MINPP1: variants seen among roughly 807,000 people sequenced by gnomAD.
The protein encoded by MINPP1 is multiple inositol-polyphosphate phosphatase 1.
Under a neutral mutation model 46.1 loss-of-function variants are expected in MINPP1, and 28 were observed. The ratio of observed to expected loss-of-function variants is 0.61; its 90% CI spans 0.45 to 0.83. The LOEUF (loss-of-function observed/expected upper bound fraction) is 0.83. MINPP1 is among the 40% of genes least tolerant of loss of function. MINPP1 has a pLI of 0.00. For synonymous variants in MINPP1, 268 were observed against 249.1 expected, an observed-to-expected ratio of 1.08 and a Z score of -0.72; for missense variants, 603 against 610.0, an observed-to-expected ratio of 0.99 and a Z score of 0.12.
At chr10:87,538,988 A>G (rs1426339803) in intron 4 of MINPP1, among the ~76,000 whole-genome samples, 1 of 152,034 alleles carries the variant, frequency 6.6e-6, no homozygotes, top group Non-Finnish European at 1.5e-5. Flanking sequence ...ATAGTTATCA[A>G]CCCTCATTAA....
intron 4 of MINPP1, among the ~76,000 whole-genome samples, chr10:87,524,721 CAG>C (rs975532859): frequency 1.3e-5 from 2 of 152,030 alleles, no homozygotes; most frequent in Admixed American, 6.6e-5. Context: ...TATTATATCT[CAG>C]GGAATAGGGA....
In MINPP1 at chr10:87,535,928, CTAAATAAATAAA is replaced by C. The variant is rs34576339; in HGVS notation, c.1067+14769_1067+14780del. 7.9e-5 allele frequency among the ~76,000 whole-genome samples: 12 copies of C among 151,298 alleles called. No individual in the cohort carries two copies. The South Asian group carries it at 2.5e-3, about 32-fold the overall frequency. On this transcript the variant is annotated intron_variant, in intron 4 of 4. Transcript: ENST00000371996. ...TGGGCAACAGAGCAAGACCCTGTCT[CTAAATAAATAAA>C]TAAATAAATTAAGATTGTTCCTATT...
At chr10:87,523,306 T>C (rs925335553) in intron 4 of MINPP1, among the ~76,000 whole-genome samples, 21 of 152,316 alleles carry the variant, frequency 1.4e-4, no homozygotes, top group Admixed American at 1.4e-3. Flanking sequence ...TATAGCCTTA[T>C]GACATTTATT....
rs1345523031 is a variant in MINPP1 at position 87,508,514 on chromosome 10, A to G, written c.816A>G (p.Pro272=). Residue 272 remains proline, a synonymous_variant, in exon 2 of 5, where the codon CCA becomes CCG. Coordinates refer to ENST00000371996, the MANE Select transcript of MINPP1 (RefSeq NM_004897.5). ...AAGTTGCAGCTACTTTGCAAGTGCCAGTAAATGATTTAAATGCAGGTAATA... is the reference window on the plus strand; with the variant it reads ...AAGTTGCAGCTACTTTGCAAGTGCCGGTAAATGATTTAAATGCAGGTAATA... ...LKKVAATLQV[P]VNDLNADLIQ... The G allele has an allele frequency of 3.7e-6, 6 of 1,613,460 alleles. No homozygotes were observed. Among genetic ancestry groups the G allele is most frequent in the Non-Finnish European group, 5.1e-6 (6 of 1,179,504 alleles).
At chr10:87,539,994 G>A (rs1230972414) in intron 4 of MINPP1, among the ~76,000 whole-genome samples, 1 of 152,172 alleles carries the variant, frequency 6.6e-6, no homozygotes, top group Non-Finnish European at 1.5e-5. Flanking sequence ...AGCCTCCCAA[G>A]TAGCTGGGAC....
chr10:87,541,465 A>T (rs995687226), intron 4 of MINPP1, among the ~76,000 whole-genome samples: 1 of 152,224 alleles, frequency 6.6e-6, no homozygotes, highest in African/African-American at 2.4e-5. Flanking sequence ...TATGAGTTAG[A>T]TGTTTTACTT....
At chr10:87,544,233 A>T (rs968475488) in intron 4 of MINPP1, among the ~76,000 whole-genome samples, 4 of 152,196 alleles carry the variant, frequency 2.6e-5, no homozygotes, top group African/African-American at 9.6e-5. Context: ...CATGTTTACC[A>T]GTTTAGTATA....
At chr10:87,523,424 C>T (rs944253435) in intron 4 of MINPP1, among the ~76,000 whole-genome samples, 1 of 151,316 alleles carries the variant, frequency 6.6e-6, no homozygotes. Context: ...GATCTCGGCT[C>T]ATTGCAAGCT....
intron 2 of MINPP1, chr10:87,509,759 A>C (rs1040009011): frequency 3.3e-6 from 1 of 304,130 alleles, no homozygotes; most frequent in Non-Finnish European, 6.8e-6. Flanking sequence ...TACCAGTCCA[A>C]AATTCTATTT....
At chr10:87,518,161 C>G (rs190936579) in intron 3 of MINPP1, among the ~76,000 whole-genome samples, 2,428 of 151,482 alleles carry the variant, frequency 0.016, 69 homozygotes, top group African/African-American at 0.056. Flanking sequence ...GGGTTTCACC[C>G]TGTTAGCCAG....
chr10:87,521,274 T>A (rs1168630840), intron 4 of MINPP1, 105 bp downstream of exon 4: 1 of 888,942 alleles, frequency 1.1e-6, no homozygotes, highest in Non-Finnish European at 1.8e-6. Flanking sequence ...GCTTGTGTTT[T>A]AAAAAAATTT....
At chr10:87,527,299 G>T (rs1023579214) in intron 4 of MINPP1, among the ~76,000 whole-genome samples, 5 of 151,856 alleles carry the variant, frequency 3.3e-5, no homozygotes, top group Non-Finnish European at 7.4e-5. Context: ...CTCATGATTT[G>T]GCTCTATGTT....
intron 4 of MINPP1, among the ~76,000 whole-genome samples, chr10:87,534,046 T>G (rs1465829562): frequency 1.7e-3 from 223 of 129,020 alleles, no homozygotes; most frequent in African/African-American, 6.8e-3. Context: ...CTAAATATTT[T>G]TTTTTTTTTT....
rs1851981732 is a variant in MINPP1, at chr10:87,552,637, G to A, written c.*159G>A. On this transcript the variant is annotated 3_prime_UTR_variant, in exon 5 of 5. Coordinates refer to ENST00000371996, the MANE Select transcript of MINPP1 (RefSeq NM_004897.5). The stretch of plus-strand genomic sequence containing the variant: ...TGGGTTTCTCTCTGGGTTTGGACAT[G>A]AAATGTAAGAAAAGATTTTTCACTG... The A allele has an allele frequency of 2.8e-6, 2 of 708,674 alleles. No homozygotes were observed. The highest frequency in any genetic ancestry group is 2.9e-5 in the Admixed American group (1 of 34,852). 43.9% of individuals were successfully genotyped at this position (708,674 alleles called of 1,614,324 possible). A position where few individuals can be genotyped will look rare whatever the true frequency, so the allele number is the denominator to read the frequency against.
At chr10:87,537,792 C>G (rs1156843330) in intron 4 of MINPP1, among the ~76,000 whole-genome samples, 1 of 151,136 alleles carries the variant, frequency 6.6e-6, no homozygotes, top group Non-Finnish European at 1.5e-5. Context: ...TTTTTTTAGA[C>G]GGGGTCTCAC....
intron 4 of MINPP1, among the ~76,000 whole-genome samples, chr10:87,547,880 A>G (rs542828367): frequency 2.1e-4 from 32 of 152,282 alleles, no homozygotes; most frequent in African/African-American, 7.5e-4. Flanking sequence ...AGAGCCATCG[A>G]TCAATATGTG....
intron 4 of MINPP1, among the ~76,000 whole-genome samples, chr10:87,551,768 A>T (rs1455898525): frequency 4.6e-5 from 7 of 152,172 alleles, no homozygotes; most frequent in African/African-American, 1.7e-4. Flanking sequence ...GTTGAAATAC[A>T]CATCTGTTTC....
chr10:87,529,606 A>G (rs1248552412), intron 4 of MINPP1, among the ~76,000 whole-genome samples: 4 of 152,152 alleles, frequency 2.6e-5, no homozygotes, highest in Non-Finnish European at 5.9e-5. Context: ...TTTGTGGGTA[A>G]CCCGACCTTT....
At position 87,547,522 on chromosome 10, in the gene MINPP1, G is replaced by C. The variant is rs117352359; in HGVS notation, c.1068-4560G>C. ...ATAAAAGGCATTAAGGTTTTTCCAA[G>C]TAAAATTTTTTGGTATAAATTGTTT... On this transcript the variant is annotated intron_variant, in intron 4 of 4. Transcript: ENST00000371996. 8.5e-3 allele frequency among the ~76,000 whole-genome samples: 1,301 copies of C among 152,246 alleles called. 8 individuals are homozygous for C. The highest frequency in any genetic ancestry group is 0.019 in the African/African-American group (805 of 41,540).
Sources: allele counts gnomAD v4.1 joint callset (sites outside exome capture counted in the v4.1 genomes callset), GRCh38; gene constraint gnomAD v4.1.1; transcripts MANE v1.5; gene names NCBI Gene and HGNC (gene_info 2026-07-23, HGNC 2026-07-21).